COL5A1: variants seen among roughly 807,000 people sequenced by gnomAD.
COL5A1 encodes collagen type V alpha 1 chain.
In COL5A1, 16 loss-of-function variants were observed where a neutral mutation model predicts 263.7. That is an observed-to-expected ratio of 0.06 (90% CI 0.04 to 0.09). COL5A1 has a LOEUF of 0.09. Among genes scored for constraint, COL5A1 ranks in the 10% least tolerant of loss-of-function variants. The pLI is 1.00. For synonymous variants in COL5A1, 1,012 were observed against 1,004.5 expected (o/e 1.01, Z -0.14); for missense variants, 2,036 against 2,540.5 (o/e 0.80, Z 4.27).
In COL5A1 at chr9:134,821,467, C is replaced by T. The variant is rs1323966292; in HGVS notation, c.4555-630C>T. 2.6e-5 allele frequency among the ~76,000 whole-genome samples: 4 copies of T among 152,188 alleles called. No homozygotes were observed. Among genetic ancestry groups the T allele is most frequent in the Non-Finnish European group, 5.9e-5 (4 of 68,036 alleles). On this transcript the variant is annotated intron_variant, in intron 58 of 65. Coordinates refer to ENST00000371817, the MANE Select transcript of COL5A1 (RefSeq NM_000093.5). The surrounding 1 kb of genome is among the most constrained non-coding windows in gnomAD (Gnocchi z 4.2). ...CCCCAGCTTCTGCCCGGAGAGAGCT[C>T]TGAGTGGAATCCAGGGCTGTAGGGA... is the stretch of plus-strand genomic sequence containing the variant.
intron 6 of COL5A1, among the ~76,000 whole-genome samples, chr9:134,729,994 A>G (rs975817251): frequency 2.6e-5 from 4 of 152,216 alleles, no homozygotes; most frequent in Non-Finnish European, 4.4e-5. Context: ...GTTTGAGTCC[A>G]TTCTGAGCAC....
chr9:134,705,728 C>T (rs1448348856), intron 4 of COL5A1, among the ~76,000 whole-genome samples: 1 of 152,142 alleles, frequency 6.6e-6, no homozygotes. Context: ...TGTCAGTGGT[C>T]ATCTGCCAGT....
chr9:134,655,360 G>A (rs1171238531), intron 1 of COL5A1, among the ~76,000 whole-genome samples: 1 of 151,938 alleles, frequency 6.6e-6, no homozygotes, highest in Non-Finnish European at 1.5e-5. Context: ...GCCCCGGGAG[G>A]CCCCCAGCCG....
chr9:134,775,631 C>T (rs937330501), intron 27 of COL5A1, among the ~76,000 whole-genome samples: 2 of 152,204 alleles, frequency 1.3e-5, no homozygotes, highest in Non-Finnish European at 2.9e-5. Flanking sequence ...TGTAGACAGA[C>T]ATACCCCTAG....
chr9:134,650,307 T>C (rs1446220739), intron 1 of COL5A1, among the ~76,000 whole-genome samples: 2 of 152,194 alleles, frequency 1.3e-5, no homozygotes, highest in East Asian at 3.9e-4. Flanking sequence ...CCGTCTTCCA[T>C]TGGAAGCGAC....
chr9:134,696,796 C>T lies in COL5A1; in HGVS notation c.278-3113C>T, dbSNP rs116218430. 2.6e-3 allele frequency among the ~76,000 whole-genome samples: 394 copies of T among 152,180 alleles called. 1 individual carries two copies. Among genetic ancestry groups the T allele is most frequent in the African/African-American group, 9.0e-3 (375 of 41,512 alleles). ...GTAAAAGTGAAAAGCTCTGGCCGGG[C>T]GGGGTGGCTCACACCTGTAATCCCA... On this transcript the variant is annotated intron_variant, in intron 2 of 65. Transcript: ENST00000371817. This position sits in a 1 kb window ranked among gnomAD's most constrained non-coding sequence, Gnocchi z 4.3.
intron 64 of COL5A1, among the ~76,000 whole-genome samples, chr9:134,832,519 C>T (rs1170395428): frequency 6.6e-6 from 1 of 152,210 alleles, no homozygotes; most frequent in Non-Finnish European, 1.5e-5. Context: ...GAGAGCAGGG[C>T]CTCACTGTGG....
chr9:134,752,856 G>C (rs919016684), intron 14 of COL5A1, among the ~76,000 whole-genome samples: 5 of 152,142 alleles, frequency 3.3e-5, no homozygotes, highest in Non-Finnish European at 5.9e-5. Flanking sequence ...GGGGATGGGT[G>C]ACTGTGCCTC....
chr9:134,795,363 A>G (rs1384757290), intron 34 of COL5A1, 48 bp downstream of exon 34: 1 of 1,567,456 alleles, frequency 6.4e-7, no homozygotes, highest in Non-Finnish European at 8.8e-7. Context: ...CCCAAGTTGC[A>G]AGGCTACAGA....
rs555022941 is a variant in COL5A1 at position 134,696,170 on chromosome 9, A to AATTATTATTATTATT, written c.278-3732_278-3718dup. On this transcript the variant is annotated intron_variant, in intron 2 of 65. Transcript: ENST00000371817. This position sits in a 1 kb window ranked among gnomAD's most constrained non-coding sequence, Gnocchi z 4.3. The stretch of plus-strand genomic sequence containing the variant: ...CCCCACTGCCCCCTGCATTATTTGC[A>AATTATTATTATTATT]ATTATTATTATTATTATTATTGAGA... Among the ~76,000 whole-genome samples the AATTATTATTATTATT allele has an allele frequency of 2.0e-5, 3 of 151,122 alleles. No individual in the cohort carries two copies. Among genetic ancestry groups the AATTATTATTATTATT allele is most frequent in the Non-Finnish European group, 4.4e-5 (3 of 67,816 alleles).
Position 134,681,936 on chromosome 9 carries a change from C to T in COL5A1, c.110-8976C>T, listed in dbSNP as rs1832871060. Among the ~76,000 whole-genome samples, 1 of 151,802 alleles carries T rather than the reference C, an allele frequency of 6.6e-6. No individual in the cohort carries two copies. Among genetic ancestry groups the T allele is most frequent in the Non-Finnish European group, 1.5e-5 (1 of 67,890 alleles). On this transcript the variant is annotated intron_variant, in intron 1 of 65. Transcript: ENST00000371817. The surrounding 1 kb of genome is among the most constrained non-coding windows in gnomAD (Gnocchi z 4.3). ...CTGTCTGTGTAGCTCTCTCTCTCTCCCTCTCTCTCCCCATCTCTCCCTCCC... is the reference window on the plus strand; with the variant it reads ...CTGTCTGTGTAGCTCTCTCTCTCTCTCTCTCTCTCCCCATCTCTCCCTCCC...
At chr9:134,804,931 G>A (rs1838243123) in intron 39 of COL5A1, 44 bp from the exon 40 acceptor site, 2 of 1,553,818 alleles carry the variant, frequency 1.3e-6, no homozygotes, top group African/African-American at 1.4e-5. Flanking sequence ...TGAGAGGTCT[G>A]CGTCACTGGC....
intron 38 of COL5A1, among the ~76,000 whole-genome samples, chr9:134,802,546 CT>C (rs1359621734): frequency 1.3e-5 from 2 of 152,234 alleles, no homozygotes; most frequent in African/African-American, 4.8e-5. Context: ...GGCTCTGCCC[CT>C]GGTGTGGCTT....
intron 32 of COL5A1, among the ~76,000 whole-genome samples, chr9:134,790,145 G>C (rs1456510439): frequency 6.6e-6 from 1 of 152,148 alleles, no homozygotes; most frequent in African/African-American, 2.4e-5. Flanking sequence ...TCCCTCTTGG[G>C]CCTGTCCCTC....
At chr9:134,743,604 CAG>C (rs1835369503) in intron 11 of COL5A1, among the ~76,000 whole-genome samples, 1 of 152,190 alleles carries the variant, frequency 6.6e-6, no homozygotes, top group Admixed American at 6.5e-5. Flanking sequence ...AATTGCCACA[CAG>C]GGGCACCTCG....
intron 42 of COL5A1, among the ~76,000 whole-genome samples, chr9:134,808,595 G>C (rs1564472802): frequency 6.6e-6 from 1 of 151,264 alleles, no homozygotes; most frequent in East Asian, 1.9e-4. Flanking sequence ...ATATTCACAC[G>C]TGTGCACATG....
At chr9:134,816,219 C>T (rs1838738735) in intron 52 of COL5A1, among the ~76,000 whole-genome samples, 1 of 152,252 alleles carries the variant, frequency 6.6e-6, no homozygotes, top group Admixed American at 6.5e-5. Flanking sequence ...CGTGCTGTCT[C>T]AGCAGCAGGT....
At chr9:134,760,557 CAT>C (rs1466079993) in intron 18 of COL5A1, among the ~76,000 whole-genome samples, 1 of 130,682 alleles carries the variant, frequency 7.7e-6, no homozygotes, top group Non-Finnish European at 1.6e-5. Context: ...CACACACGCA[CAT>C]ACACACCCAC....
At chr9:134,683,733 A>T (rs368644484) in intron 1 of COL5A1, among the ~76,000 whole-genome samples, 17 of 152,022 alleles carry the variant, frequency 1.1e-4, no homozygotes, top group East Asian at 7.8e-4. Flanking sequence ...CTCCCTCTCC[A>T]TCAGGGCCCA....
Sources: gnomAD v4.1 joint callset for allele counts (sites outside exome capture counted in the v4.1 genomes callset) on GRCh38, gnomAD v4.1.1 for gene constraint, Gnocchi (gnomAD v3.1) non-coding constraint, MANE v1.5 for transcripts, NCBI Gene and HGNC (gene_info 2026-07-23, HGNC 2026-07-21) for gene names.